Variants in RBM44 observed in about 807,000 individuals in gnomAD.
RBM44 encodes RNA-binding protein 44.
In RBM44, 66 loss-of-function variants were observed where a neutral mutation model predicts 105.1. The observed-to-expected ratio is 0.63, with a 90% CI of 0.52 to 0.77. The LOEUF (loss-of-function observed/expected upper bound fraction) is 0.77. Among genes scored for constraint, RBM44 ranks in the 30% least tolerant of loss-of-function variants. The pLI, the probability that RBM44 is intolerant of heterozygous loss-of-function variation, is 0.00. For missense variants in RBM44, 1,122 were observed against 1,207.8 expected (o/e 0.93, Z 1.05); for synonymous variants, 365 against 417.6 (o/e 0.87, Z 1.54).
At position 237,817,081 on chromosome 2, in the gene RBM44, G is replaced by C; in HGVS notation, c.162G>C (p.Trp54Cys). Residue 54 changes from tryptophan (W) to cysteine (C), a missense_variant, in exon 3 of 16, where the codon TGG (tryptophan) becomes TGC (cysteine). By Grantham distance (215) the Trp-to-Cys change is radical (BLOSUM62 -2). Around this residue, in one of 3 missense-constraint regions of RBM44, gnomAD observed 918 missense variants for 955.3 expected, o/e 0.96. Transcript: ENST00000316997. ...EVKLTFPDDD[W>C]NSSTLEQRAN... The stretch of plus-strand genomic sequence containing the variant: ...AATTGACTTTTCCTGATGATGACTG[G>C]AATTCTTCGACACTAGAGCAAAGAG... The C allele has an allele frequency of 1.2e-6, 2 of 1,604,708 alleles. No individual in the cohort carries two copies. Among genetic ancestry groups the C allele is most frequent in the Non-Finnish European group, 1.7e-6 (2 of 1,176,286 alleles).
chr2:237,826,136 G>C (rs557428414), intron 10 of RBM44, among the ~76,000 whole-genome samples: 2 of 151,762 alleles, frequency 1.3e-5, no homozygotes, highest in Admixed American at 6.6e-5. Context: ...TAAGTGTTAG[G>C]CTACTCTTAT....
intron 13 of RBM44, among the ~76,000 whole-genome samples, chr2:237,831,482 C>G (rs2061902837): frequency 6.6e-6 from 1 of 152,084 alleles, no homozygotes; most frequent in Non-Finnish European, 1.5e-5. Flanking sequence ...GGGGTTTCAC[C>G]ATGTTGGCCA....
chr2:237,834,623 A>G (rs1031503492), intron 15 of RBM44, 200 bp downstream of exon 15: 3 of 253,524 alleles, frequency 1.2e-5, no homozygotes, highest in Non-Finnish European at 2.2e-5. Context: ...ACTGGCTTAA[A>G]CAACACTCAT....
intron 5 of RBM44, chr2:237,820,682 CAT>C (rs762009997): frequency 3.2e-4 from 74 of 231,482 alleles, no homozygotes; most frequent in Non-Finnish European, 5.5e-4. Context: ...TTTAGAAAAA[CAT>C]ATTTACTGTG....
Position 237,824,376 on chromosome 2 carries a change from A to C in RBM44, c.2406A>C (p.Gly802=). Residue 802 remains glycine, a synonymous_variant, in exon 10 of 16, where the codon GGA becomes GGC. Transcript: ENST00000316997. The part of the protein sequence containing the change: ...LTGVDVSGTQ[G]NQVEQDTWNL... ...GAGTTGACGTCTCAGGGACACAGGG[A>C]AATCAAGTAGAACAAGACACATGGA... 6.2e-7 allele frequency: 1 copy of C among 1,613,036 alleles called. No homozygotes were observed. The highest frequency in any genetic ancestry group is 1.7e-5 in the Admixed American group (1 of 59,950).
intron 1 of RBM44, among the ~76,000 whole-genome samples, chr2:237,805,882 A>C (rs1295082086): frequency 6.6e-6 from 1 of 152,038 alleles, no homozygotes; most frequent in Non-Finnish European, 1.5e-5. Context: ...GGGAGTGCTA[A>C]GGTGGGAGGA....
rs1216314950 is a variant in RBM44 at position 237,813,219 on chromosome 2, G to A, written c.-18-373G>A. ...TTACTTAAATGGAATTATGCAATAG[G>A]TGATCTTTTTTATCTAGCTTCTTTC... is the stretch of plus-strand genomic sequence containing the variant. On this transcript the variant is annotated intron_variant, in intron 1 of 15. Coordinates refer to ENST00000316997, the MANE Select transcript of RBM44 (RefSeq NM_001080504.3). Among the ~76,000 whole-genome samples the A allele has an allele frequency of 2.0e-5, 3 of 152,108 alleles. 1 individual carries two copies. In the East Asian group the frequency reaches 5.8e-4, roughly 29 times the overall value.
chr2:237,827,699 A>G (rs2061862213), intron 12 of RBM44, among the ~76,000 whole-genome samples, 196 bp downstream of exon 12: 1 of 152,050 alleles, frequency 6.6e-6, no homozygotes, highest in African/African-American at 2.4e-5. Context: ...CTTTTTTTTC[A>G]TTATACTTTA....
At position 237,811,364 on chromosome 2, in the gene RBM44, G is replaced by C. The variant is rs190474892; in HGVS notation, c.-18-2228G>C. ...AGCTCACTGAGCCTCAACCTCCCAG[G>C]CTCAAGTGATCGTCTCACCCCAACC... is the stretch of plus-strand genomic sequence containing the variant. On this transcript the variant is annotated intron_variant, in intron 1 of 15. Coordinates refer to ENST00000316997, the MANE Select transcript of RBM44 (RefSeq NM_001080504.3). 1.3e-3 allele frequency among the ~76,000 whole-genome samples: 198 copies of C among 152,144 alleles called. 1 individual carries two copies. The highest frequency in any genetic ancestry group is 2.1e-3 in the Non-Finnish European group (144 of 67,998).
rs748186420 is a variant in RBM44, at chr2:237,818,529, T to C, written c.1610T>C (p.Ile537Thr). ...SEDCIDTQMAITKGSGKSLSV... is the reference protein window; with the variant it reads ...SEDCIDTQMATTKGSGKSLSV... ...GATTGTATAGATACACAGATGGCTA[T>C]AACAAAAGGATCAGGAAAATCTCTC... Residue 537 changes from isoleucine (I) to threonine (T), a missense_variant, in exon 3 of 16, where the codon ATA becomes ACA. Physicochemically the swap from Ile to Thr is moderately conservative, Grantham distance 89. Coordinates refer to ENST00000316997, the MANE Select transcript of RBM44 (RefSeq NM_001080504.3). This position sits in a 1 kb window ranked among gnomAD's most constrained non-coding sequence, Gnocchi z 4.6. 1.7e-5 allele frequency: 28 copies of C among 1,602,992 alleles called. No individual in the cohort carries two copies. The highest frequency in any genetic ancestry group is 2.3e-5 in the Non-Finnish European group (27 of 1,175,222).
In RBM44 at chr2:237,829,247, C is replaced by G. The variant is rs370472194; in HGVS notation, c.2631C>G (p.Ser877Arg). The G allele has an allele frequency of 4.3e-6, 7 of 1,610,826 alleles. No homozygotes were observed. The Admixed American group carries it at 1.2e-4, about 27-fold the overall frequency. Residue 877 changes from serine (S) to arginine (R), a missense_variant, in exon 13 of 16, where the codon AGC (serine) becomes AGG (arginine). Physicochemically the swap from Ser to Arg is moderately radical, Grantham distance 110. Around this residue, in one of 3 missense-constraint regions of RBM44, gnomAD observed 194 missense variants for 225.5 expected, o/e 0.86. Coordinates refer to ENST00000316997, the MANE Select transcript of RBM44 (RefSeq NM_001080504.3). ...RYASLAFTKNSDAKIAVKEMN... is the reference protein window; with the variant it reads ...RYASLAFTKNRDAKIAVKEMN... ...CATCTCTTGCTTTTACAAAAAACAGCGATGCAAAGATAGCTGTGAAAGAAA... is the reference window on the plus strand; with the variant it reads ...CATCTCTTGCTTTTACAAAAAACAGGGATGCAAAGATAGCTGTGAAAGAAA...
At chr2:237,809,317 A>G (rs1328732216) in intron 1 of RBM44, among the ~76,000 whole-genome samples, 1 of 152,046 alleles carries the variant, frequency 6.6e-6, no homozygotes, top group Non-Finnish European at 1.5e-5. Flanking sequence ...TGAGTTTATC[A>G]TTTTGTTTAA....
chr2:237,820,649 T>C (rs576920238), intron 5 of RBM44: 1 of 254,348 alleles, frequency 3.9e-6, no homozygotes, highest in Admixed American at 5.4e-5. Context: ...CTGGCTTATG[T>C]GTCAAGAGTT....
At chr2:237,827,721 TG>T (rs1233019677) in intron 12 of RBM44, among the ~76,000 whole-genome samples, 1 of 152,162 alleles carries the variant, frequency 6.6e-6, no homozygotes, top group Admixed American at 6.6e-5. Context: ...AACTTGTTAA[TG>T]GTATACAGGA....
In RBM44 at chr2:237,818,354, A is replaced by G; in HGVS notation, c.1435A>G (p.Thr479Ala). The G allele has an allele frequency of 6.2e-7, 1 of 1,613,328 alleles. No individual in the cohort carries two copies. Reference protein sequence around the residue: ...DVSTDFRACFTTSRATSARPS... With the variant: ...DVSTDFRACFATSRATSARPS... The stretch of plus-strand genomic sequence containing the variant: ...TAGCACTGATTTTAGGGCTTGTTTC[A>G]CAACCAGCAGGGCAACAAGTGCAAG... The change falls in exon 3 of 16, where the codon ACA becomes GCA. Residue 479 changes from threonine (T) to alanine (A), a missense_variant. By Grantham distance (58) the Thr-to-Ala change is moderately conservative. Around this residue, in one of 3 missense-constraint regions of RBM44, gnomAD observed 918 missense variants for 955.3 expected, o/e 0.96. Transcript: ENST00000316997. The surrounding 1 kb of genome is among the most constrained non-coding windows in gnomAD (Gnocchi z 4.6).
At chr2:237,814,074 A>G (rs946423612) in intron 2 of RBM44, among the ~76,000 whole-genome samples, 3 of 152,208 alleles carry the variant, frequency 2.0e-5, no homozygotes, top group Admixed American at 1.3e-4. Context: ...CAAGAAAATA[A>G]GAAATAGCAA....
chr2:237,824,221 G>A (rs72991078), intron 9 of RBM44, 70 bp from the exon 10 acceptor site: 50,084 of 1,512,996 alleles, frequency 0.033, 992 homozygotes, highest in Middle Eastern at 0.041. Flanking sequence ...TTCATCCATG[G>A]TTTTAAGGTA....
At chr2:237,806,187 G>A (rs10202875) in intron 1 of RBM44, among the ~76,000 whole-genome samples, 24,801 of 152,064 alleles carry the variant, frequency 0.16, 2,694 homozygotes, top group African/African-American at 0.32. Flanking sequence ...TGTAATTTTA[G>A]TGGCTGTAGA....
intron 15 of RBM44, among the ~76,000 whole-genome samples, chr2:237,835,542 T>C (rs2061950641): frequency 6.6e-6 from 1 of 152,166 alleles, no homozygotes; most frequent in Non-Finnish European, 1.5e-5. Context: ...GACAGGAGAA[T>C]GATAACAAAG....
Sources: allele counts gnomAD v4.1 joint callset (sites outside exome capture counted in the v4.1 genomes callset), GRCh38; gene constraint gnomAD v4.1.1; regional missense constraint gnomAD v4.1.1; non-coding constraint Gnocchi (gnomAD v3.1); transcripts MANE v1.5; gene names NCBI Gene and HGNC (gene_info 2026-07-23, HGNC 2026-07-21).